FRMD1: variants seen among roughly 807,000 people sequenced by gnomAD.
FRMD1 encodes the protein FERM domain-containing protein 1.
Under a neutral mutation model 54.9 loss-of-function variants are expected in FRMD1, and 51 were observed. The observed-to-expected ratio is 0.93, with a 90% CI of 0.74 to 1.17. FRMD1 has a LOEUF of 1.17. Ranked by LOEUF, FRMD1 falls within the 50% of genes most tolerant of loss-of-function variation. The pLI, the probability that FRMD1 is intolerant of heterozygous loss-of-function variation, is 0.00. For synonymous variants in FRMD1, 324 were observed against 306.4 expected (o/e 1.06, Z -0.60); for missense variants, 729 against 743.0 (o/e 0.98, Z 0.22).
At chr6:168,063,019 G>T in intron 6 of FRMD1, 60 bp from the exon 7 acceptor site, 3 of 1,410,000 alleles carry the variant, frequency 2.1e-6, no homozygotes, top group Non-Finnish European at 3.0e-6. Flanking sequence ...CTCACTGATG[G>T]CAGAGTATGG....
chr6:168,087,152 C>T (rs557235846), intron 1 of FRMD1, among the ~76,000 whole-genome samples: 27 of 152,280 alleles, frequency 1.8e-4, no homozygotes, highest in Admixed American at 1.4e-3. Context: ...ACTGTAACCC[C>T]TGCCTCCTGG....
chr6:168,090,084 C>A (rs1800989934), intron 1 of FRMD1, among the ~76,000 whole-genome samples: 1 of 152,124 alleles, frequency 6.6e-6, no homozygotes, highest in Admixed American at 6.5e-5. Context: ...GCGGCGTTAC[C>A]CCCAGAACCC....
At chr6:168,072,054 G>A (rs1466539467) in intron 2 of FRMD1, among the ~76,000 whole-genome samples, 1 of 152,258 alleles carries the variant, frequency 6.6e-6, no homozygotes, top group Non-Finnish European at 1.5e-5. Context: ...TTAGAAGCCA[G>A]CCGATGGCGT....
At chr6:168,058,503 A>C (rs552921297) in intron 10 of FRMD1, among the ~76,000 whole-genome samples, 92 of 123,776 alleles carry the variant, frequency 7.4e-4, no homozygotes, top group African/African-American at 2.7e-3. Flanking sequence ...TTCCAGGGGG[A>C]TTCTGAACAG....
chr6:168,080,062 G>A (rs773682764), upstream of FRMD1, among the ~76,000 whole-genome samples: 10 of 152,164 alleles, frequency 6.6e-5, no homozygotes, highest in Non-Finnish European at 1.5e-4. Context: ...TGGAGTCTGG[G>A]ATGCTCTGGG....
chr6:168,087,832 C>T lies in FRMD1; in HGVS notation c.-11-8808G>A, dbSNP rs146662527. Among the ~76,000 whole-genome samples, 1,307 of 152,346 alleles carry T rather than the reference C, an allele frequency of 8.6e-3. 4 individuals carry two copies. Among genetic ancestry groups the T allele is most frequent in the Non-Finnish European group, 0.014 (940 of 68,020 alleles). ...CCAGGGTCCCCAAGGACGCTGACCT[C>T]ACCACCCGTCTGGGCACGGAGACCC... On this transcript the variant is annotated intron_variant, in intron 1 of 12. Transcript: ENST00000644440.
chr6:168,074,343 A>G (rs1021351427), intron 2 of FRMD1, among the ~76,000 whole-genome samples: 1 of 152,184 alleles, frequency 6.6e-6, no homozygotes, highest in Non-Finnish European at 1.5e-5. Flanking sequence ...TGCCCCCCAG[A>G]ACAGCACAAT....
intron 10 of FRMD1, among the ~76,000 whole-genome samples, chr6:168,057,963 G>A (rs1017330307): frequency 1.1e-4 from 16 of 152,238 alleles, no homozygotes; most frequent in African/African-American, 2.9e-4. Flanking sequence ...CCTTCTACGC[G>A]TGTTTCCTTG....
chr6:168,081,406 G>A (rs910464604), upstream of FRMD1: 6 of 1,535,440 alleles, frequency 3.9e-6, no homozygotes, highest in South Asian at 3.6e-5. Flanking sequence ...TGCCACGTTC[G>A]TGATGTCAGG....
upstream of FRMD1, chr6:168,081,355 T>G: frequency 6.5e-7 from 1 of 1,529,570 alleles, no homozygotes; most frequent in Non-Finnish European, 8.7e-7. Flanking sequence ...CTGAATGTCT[T>G]GTCTTCTCGA....
chr6:168,085,443 G>T (rs527437931), upstream of FRMD1, among the ~76,000 whole-genome samples: 1 of 152,318 alleles, frequency 6.6e-6, no homozygotes, highest in African/African-American at 2.4e-5. Flanking sequence ...CAGCTGTGGG[G>T]GGCCTCTGGG....
chr6:168,060,203 CTTCCTAGGAGTGGGGGGT>C (rs1434076664), intron 9 of FRMD1, among the ~76,000 whole-genome samples: 10 of 72,318 alleles, frequency 1.4e-4, no homozygotes, highest in Middle Eastern at 0.013. Context: ...AAGTGGGGGG[CTTCCTAGGAGTGGGGGGT>C]TTCCTAGGAG....
upstream of FRMD1, among the ~76,000 whole-genome samples, chr6:168,080,827 G>A (rs975984266): frequency 4.6e-5 from 7 of 150,822 alleles, no homozygotes; most frequent in Non-Finnish European, 8.8e-5. Context: ...GCGGGCGCTG[G>A]TTTGTGCGGG....
intron 1 of FRMD1, among the ~76,000 whole-genome samples, chr6:168,077,081 A>C (rs1800629237): frequency 6.6e-6 from 1 of 150,652 alleles, no homozygotes. Context: ...ACTCAGATGC[A>C]TGCACACCCC....
In FRMD1 at chr6:168,055,431, AC is replaced by A. The variant is rs1044688485; in HGVS notation, c.*1665del. ...TGTGTGCATGTAGGTCTTGGCTCAG[AC>A]CCTGCTTCATGGTGGACACCACCTG... On this transcript the variant is annotated 3_prime_UTR_variant, in exon 11 of 11. Transcript: ENST00000283309. 2.0e-5 allele frequency: 3 copies of A among 152,192 alleles called. No individual in the cohort carries two copies. Among genetic ancestry groups the A allele is most frequent in the African/African-American group, 7.2e-5 (3 of 41,390 alleles). 9.4% of individuals were successfully genotyped at this position (152,192 alleles called of 1,614,324 possible).
chr6:168,090,826 C>T (rs529652628), intron 1 of FRMD1, among the ~76,000 whole-genome samples: 1 of 152,336 alleles, frequency 6.6e-6, no homozygotes, highest in South Asian at 2.1e-4. Flanking sequence ...CCATGTGATT[C>T]TCAGCCGCCC....
chr6:168,077,560 C>T (rs1462853802), intron 1 of FRMD1, among the ~76,000 whole-genome samples: 1 of 152,240 alleles, frequency 6.6e-6, no homozygotes, highest in East Asian at 1.9e-4. Flanking sequence ...TGTGCGCACA[C>T]CCCGATAGGA....
chr6:168,056,964 G>A lies in FRMD1; in HGVS notation c.*133C>T. 1 of 1,097,354 alleles carries A rather than the reference G, an allele frequency of 9.1e-7. No homozygotes were observed. The highest frequency in any genetic ancestry group is 1.2e-6 in the Non-Finnish European group (1 of 815,466). The allele number at this position is 1,097,354 out of a possible 1,614,324, so 68.0% of individuals were successfully genotyped here. ...AGCCAGCTCCACACCTCTTACAGGT[G>A]AACCTGTGGAGCGTGCTGGCTGCGG... On this transcript the variant is annotated 3_prime_UTR_variant, in exon 11 of 11. Coordinates refer to ENST00000283309, the MANE Select transcript of FRMD1 (RefSeq NM_024919.6).
At chr6:168,087,659 C>T (rs1800944686) in intron 1 of FRMD1, among the ~76,000 whole-genome samples, 2 of 152,360 alleles carry the variant, frequency 1.3e-5, no homozygotes, top group Admixed American at 6.5e-5. Context: ...GATGCACGGG[C>T]TGGCGTGTGG....
Sources: allele counts gnomAD v4.1 joint callset (sites outside exome capture counted in the v4.1 genomes callset), GRCh38; gene constraint gnomAD v4.1.1; transcripts MANE v1.5; gene names NCBI Gene and HGNC (gene_info 2026-07-23, HGNC 2026-07-21).